Variants in GLIS3 observed in about 807,000 individuals in gnomAD.
GLIS3 encodes zinc finger protein GLIS3.
A neutral mutation model predicts 78.6 loss-of-function variants in GLIS3; 53 were observed. The ratio of observed to expected loss-of-function variants is 0.67; its 90% CI spans 0.54 to 0.85. The LOEUF (loss-of-function observed/expected upper bound fraction) is 0.85. Among genes scored for constraint, GLIS3 ranks in the 40% least tolerant of loss-of-function variants. The pLI is 0.00. For synonymous variants in GLIS3, 684 were observed against 509.9 expected, an observed-to-expected ratio of 1.34 and a Z score of -4.60; for missense variants, 1,703 against 1,231.1, an observed-to-expected ratio of 1.38 and a Z score of -5.74.
At chr9:4,048,861 A>C (rs16920507) in intron 4 of GLIS3, among the ~76,000 whole-genome samples, 11,890 of 152,204 alleles carry the variant, frequency 0.078, 1,133 homozygotes, top group African/African-American at 0.23. Context: ...GCTTTTCTAG[A>C]AACAGGCAAT....
chr9:4,201,740 A>G (rs1819415144), intron 2 of GLIS3, among the ~76,000 whole-genome samples: 1 of 152,206 alleles, frequency 6.6e-6, no homozygotes. Context: ...AAGACTCAAT[A>G]CCATTACAAC....
intron 4 of GLIS3, among the ~76,000 whole-genome samples, chr9:3,961,074 G>T (rs1486097181): frequency 6.6e-6 from 1 of 152,018 alleles, no homozygotes; most frequent in Non-Finnish European, 1.5e-5. Context: ...TCTTCTTTGG[G>T]GTCATTAAGC....
chr9:4,354,662 T>A, the GLIS3 span, among the ~76,000 whole-genome samples: 1 of 152,136 alleles, frequency 6.6e-6, no homozygotes. Flanking sequence ...CTCACTGCGG[T>A]CCTGGGATCA....
chr9:4,373,319 A>G, the GLIS3 span, among the ~76,000 whole-genome samples: 1 of 152,176 alleles, frequency 6.6e-6, no homozygotes, highest in Non-Finnish European at 1.5e-5. Flanking sequence ...TCCTGGCTGT[A>G]TTTCAGAATC....
chr9:4,260,348 C>T (rs1314425672), intron 2 of GLIS3, among the ~76,000 whole-genome samples: 2 of 152,048 alleles, frequency 1.3e-5, no homozygotes, highest in South Asian at 2.1e-4. Flanking sequence ...GGGTCGATCA[C>T]GAGGTCAGGA....
At chr9:4,153,537 C>G (rs1834837819) in intron 2 of GLIS3, among the ~76,000 whole-genome samples, 1 of 152,136 alleles carries the variant, frequency 6.6e-6, no homozygotes, top group Admixed American at 6.5e-5. Flanking sequence ...ACACTCCAGC[C>G]TGGGCAACAC....
chr9:4,303,919 A>G (rs1043419937), upstream of GLIS3, among the ~76,000 whole-genome samples: 5 of 152,262 alleles, frequency 3.3e-5, no homozygotes, highest in African/African-American at 7.2e-5. Flanking sequence ...CTGGCCAACT[A>G]TATGTGATGT....
intron 2 of GLIS3, among the ~76,000 whole-genome samples, chr9:4,246,512 G>C (rs989325769): frequency 3.3e-5 from 5 of 152,214 alleles, no homozygotes; most frequent in Admixed American, 6.5e-5. Context: ...GACATCTGCA[G>C]TTGTTTCAGG....
intron 4 of GLIS3, among the ~76,000 whole-genome samples, chr9:4,080,874 G>A (rs1429483368): frequency 2.0e-5 from 3 of 152,136 alleles, no homozygotes; most frequent in African/African-American, 7.2e-5. Flanking sequence ...TGACCCCCGG[G>A]CGTACATCGT....
intron 2 of GLIS3, among the ~76,000 whole-genome samples, chr9:4,162,195 T>G (rs1450880967): frequency 6.6e-6 from 1 of 152,200 alleles, no homozygotes; most frequent in East Asian, 1.9e-4. Flanking sequence ...CCTGCATTCT[T>G]GTCTCTGTGT....
At chr9:4,027,906 C>T (rs771132692) in intron 4 of GLIS3, among the ~76,000 whole-genome samples, 15 of 152,262 alleles carry the variant, frequency 9.9e-5, no homozygotes, top group Non-Finnish European at 4.4e-5. Context: ...TCAGCTTTGT[C>T]CAGCTGAAGG....
chr9:4,255,297 G>A (rs983474096), intron 2 of GLIS3, among the ~76,000 whole-genome samples: 1 of 152,238 alleles, frequency 6.6e-6, no homozygotes, highest in African/African-American at 2.4e-5. Flanking sequence ...TTGGAAGACA[G>A]TATGGTGGTT....
intron 4 of GLIS3, among the ~76,000 whole-genome samples, chr9:3,942,676 T>G (rs1816013712): frequency 6.6e-6 from 1 of 152,220 alleles, no homozygotes; most frequent in African/African-American, 2.4e-5. Context: ...CTTCCCAGCT[T>G]CACCTAGGAG....
chr9:4,055,569 T>G (rs1826077250), intron 4 of GLIS3, among the ~76,000 whole-genome samples: 1 of 152,230 alleles, frequency 6.6e-6, no homozygotes, highest in African/African-American at 2.4e-5. Context: ...TCAGAAGGCT[T>G]GCAGGACCTT....
chr9:3,831,741 T>C (rs192656724), intron 9 of GLIS3, among the ~76,000 whole-genome samples: 7 of 152,320 alleles, frequency 4.6e-5, no homozygotes, highest in Non-Finnish European at 8.8e-5. Flanking sequence ...AGAGAATGTC[T>C]AAGCAAACAG....
At chr9:4,337,046 A>C (rs1817766294) in intron 2 of GLIS3, among the ~76,000 whole-genome samples, 1 of 152,258 alleles carries the variant, frequency 6.6e-6, no homozygotes, top group African/African-American at 2.4e-5. Context: ...AAAATGAGAT[A>C]CTACTTTTAA....
intron 1 of GLIS3, among the ~76,000 whole-genome samples, chr9:4,288,097 A>C (rs749218066): frequency 1.9e-4 from 29 of 152,166 alleles, no homozygotes; most frequent in Non-Finnish European, 3.7e-4. Flanking sequence ...CAGTTCTTAC[A>C]TTGGTAAAAT....
In GLIS3 at chr9:4,117,805, A is replaced by G. The variant is rs1831786439; in HGVS notation, c.1673T>C (p.Met558Thr). 6.2e-7 allele frequency: 1 copy of G among 1,613,420 alleles called. No homozygotes were observed. Among genetic ancestry groups the G allele is most frequent in the Admixed American group, 1.7e-5 (1 of 59,994 alleles). The stretch of plus-strand genomic sequence containing the variant: ...GGGCTTCTCCCCAGAGTGGACTCTC[A>G]TGTGGATCAGCAGTTTATAGCGGGC... Reference protein sequence around the residue: ...FNARYKLLIHMRVHSGEKPNK... With the variant: ...FNARYKLLIHTRVHSGEKPNK... Residue 558 changes from methionine (M) to threonine (T), a missense_variant, in exon 4 of 11, where the codon ATG becomes ACG. Transcript: ENST00000381971.
chr9:4,117,187 G>C (rs1225877860), intron 4 of GLIS3, among the ~76,000 whole-genome samples: 2 of 152,148 alleles, frequency 1.3e-5, no homozygotes, highest in East Asian at 3.8e-4. Context: ...TTCTGCTCCT[G>C]TGTATCCCCT....
Sources: gnomAD v4.1 joint callset for allele counts (sites outside exome capture counted in the v4.1 genomes callset) on GRCh38, gnomAD v4.1.1 for gene constraint, MANE v1.5 for transcripts, NCBI Gene and HGNC (gene_info 2026-07-23, HGNC 2026-07-21) for gene names.